MGA: variants seen among roughly 807,000 people sequenced by gnomAD.
MGA encodes MAX gene-associated protein.
In MGA, 40 loss-of-function variants were observed where a neutral mutation model predicts 261.1. That is an observed-to-expected ratio of 0.15 (90% CI 0.12 to 0.20). MGA has a LOEUF of 0.20. MGA is among the 10% of genes least tolerant of loss of function. The pLI is 1.00. For missense variants in MGA, 3,397 were observed against 3,630.5 expected (o/e 0.94, Z 1.65); for synonymous variants, 1,302 against 1,290.6 (o/e 1.01, Z -0.19).
intron 5 of MGA, among the ~76,000 whole-genome samples, chr15:41,699,789 G>A (rs1020401869): frequency 1.3e-5 from 2 of 152,128 alleles, no homozygotes; most frequent in African/African-American, 4.8e-5. Context: ...TAATTTTGGA[G>A]GAAGGGTCTT....
At chr15:41,735,690 C>T (rs983746280) in intron 12 of MGA, among the ~76,000 whole-genome samples, 3 of 151,714 alleles carry the variant, frequency 2.0e-5, no homozygotes, top group Admixed American at 1.3e-4. Flanking sequence ...TGAGCTATCA[C>T]GCCTCTGCAC....
intron 15 of MGA, among the ~76,000 whole-genome samples, chr15:41,748,269 T>C (rs936682381): frequency 2.0e-5 from 3 of 149,878 alleles, no homozygotes; most frequent in Admixed American, 6.6e-5. Flanking sequence ...AAAAAAAATA[T>C]AGACTGGGCG....
intron 14 of MGA, among the ~76,000 whole-genome samples, chr15:41,740,472 A>G (rs1857382753): frequency 1.3e-5 from 2 of 152,058 alleles, no homozygotes; most frequent in Admixed American, 6.5e-5. Context: ...GGCAAGTTTT[A>G]TAGTTATTTT....
intron 13 of MGA, among the ~76,000 whole-genome samples, 151 bp downstream of exon 13, chr15:41,736,849 C>A (rs1475722786): frequency 6.6e-6 from 1 of 152,042 alleles, no homozygotes; most frequent in Non-Finnish European, 1.5e-5. Context: ...TGTAATAGGC[C>A]TAGTTTAGAT....
Position 41,727,372 on chromosome 15 carries a change from C to G in MGA, c.3623C>G (p.Ser1208Cys), listed in dbSNP as rs771752177. 1.9e-6 allele frequency: 3 copies of G among 1,613,818 alleles called. No individual in the cohort carries two copies. The highest frequency in any genetic ancestry group is 2.7e-5 in the African/African-American group (2 of 74,908). Residue 1208 changes from serine to cysteine, a missense_variant, in exon 10 of 24, where the codon TCT becomes TGT. Coordinates refer to ENST00000219905, the MANE Select transcript of MGA (RefSeq NM_001164273.2). ...GGCAAACTGCTCACTGGAATTAAAT[C>G]TCCACGGTCATATACTCCCAAACCC...
Position 41,734,524 on chromosome 15 carries a change from A to T in MGA, c.3846A>T (p.Glu1282Asp). The change falls in exon 12 of 24, where the codon GAA becomes GAT. Residue 1282 changes from glutamate (E) to aspartate (D), a missense_variant and splice_region_variant. Coordinates refer to ENST00000219905, the MANE Select transcript of MGA (RefSeq NM_001164273.2). ...TTCTGTGTTACTGTCTCCTTCAGGA[A>T]CCTGATTCTGAACAGCAGCCCTTAA... 1 of 1,606,906 alleles carries T rather than the reference A, an allele frequency of 6.2e-7. No homozygotes were observed. The highest frequency in any genetic ancestry group is 1.1e-5 in the South Asian group (1 of 89,750).
At chr15:41,625,068 A>C (rs2056413814) in intron 1 of MGA, among the ~76,000 whole-genome samples, 1 of 152,092 alleles carries the variant, frequency 6.6e-6, no homozygotes. Context: ...ACTTGACCTC[A>C]GGAGTTCGAG....
At chr15:41,731,186 A>G (rs934130027) in intron 11 of MGA, among the ~76,000 whole-genome samples, 1 of 152,196 alleles carries the variant, frequency 6.6e-6, no homozygotes, top group Non-Finnish European at 1.5e-5. Context: ...TAGAACCTAT[A>G]AACAGTATTT....
chr15:41,749,011 C>T, intron 16 of MGA, 84 bp downstream of exon 16: 1 of 1,545,996 alleles, frequency 6.5e-7, no homozygotes, highest in Non-Finnish European at 8.7e-7. Context: ...TGTTTTTCTT[C>T]ATCTCTTAAG....
At chr15:41,654,291 GA>G (rs1370429920) in intron 1 of MGA, among the ~76,000 whole-genome samples, 1 of 152,040 alleles carries the variant, frequency 6.6e-6, no homozygotes, top group Non-Finnish European at 1.5e-5. Context: ...ACAATGTAGT[GA>G]ATTTTTCATC....
intron 9 of MGA, chr15:41,718,299 G>GTATA (rs556672274): frequency 6.9e-5 from 15 of 215,864 alleles, no homozygotes; most frequent in South Asian, 5.5e-4. Flanking sequence ...GTGTGTGTGT[G>GTATA]TGTATATATA....
At position 41,767,757 on chromosome 15, in the gene MGA, A is replaced by C. The variant is rs1165802720; in HGVS notation, c.*477A>C. 6.3e-6 allele frequency: 1 copy of C among 158,786 alleles called. No individual in the cohort carries two copies. Among genetic ancestry groups the C allele is most frequent in the Non-Finnish European group, 1.4e-5 (1 of 71,572 alleles). 9.8% of individuals were successfully genotyped at this position (158,786 alleles called of 1,614,324 possible). On this transcript the variant is annotated 3_prime_UTR_variant, in exon 24 of 24. Transcript: ENST00000219905. ...AGAGACACTTTTTAGTTGATGTTTC[A>C]AGAATAGGGAGAGAGAGGATGGGTA...
In MGA at chr15:41,736,261, A is replaced by G; in HGVS notation, c.3997A>G (p.Thr1333Ala). The G allele has an allele frequency of 6.2e-7, 1 of 1,614,016 alleles. No homozygotes were observed. Among genetic ancestry groups the G allele is most frequent in the South Asian group, 1.1e-5 (1 of 91,086 alleles). ...GCATCAGAGGTCACCTGGTGGTCCC[A>G]CCAAACTGATTGAGATCATCTCAGA... Residue 1333 changes from threonine to alanine, a missense_variant, in exon 13 of 24, where the codon ACC becomes GCC. Around this residue, in one of 9 missense-constraint regions of MGA, gnomAD observed 1,410 missense variants for 1,386.4 expected, o/e 1.02. Coordinates refer to ENST00000219905, the MANE Select transcript of MGA (RefSeq NM_001164273.2).
At chr15:41,758,501 C>T (rs1034581450) in intron 19 of MGA, among the ~76,000 whole-genome samples, 5 of 151,984 alleles carry the variant, frequency 3.3e-5, no homozygotes, top group African/African-American at 9.7e-5. Context: ...TATGATACAG[C>T]GTATTTGCAT....
intron 18 of MGA, among the ~76,000 whole-genome samples, chr15:41,755,689 G>A (rs1213667647): frequency 6.6e-6 from 1 of 152,180 alleles, no homozygotes; most frequent in East Asian, 1.9e-4. Flanking sequence ...CCAACACACA[G>A]CACAAACACT....
chr15:41,723,522 C>T (rs2061066427), intron 9 of MGA, among the ~76,000 whole-genome samples: 2 of 152,114 alleles, frequency 1.3e-5, no homozygotes, highest in African/African-American at 4.8e-5. Context: ...CTCAAGCGGT[C>T]CTTCCGTCTT....
At chr15:41,679,728 G>A (rs1363395670) in intron 2 of MGA, among the ~76,000 whole-genome samples, 1 of 151,960 alleles carries the variant, frequency 6.6e-6, no homozygotes, top group Non-Finnish European at 1.5e-5. Context: ...TGTGTTGTGG[G>A]GGGGACTGAG....
chr15:41,621,815 T>A (rs2056296312), intron 1 of MGA, among the ~76,000 whole-genome samples: 1 of 152,102 alleles, frequency 6.6e-6, no homozygotes, highest in Non-Finnish European at 1.5e-5. Flanking sequence ...ACGTGTTCAC[T>A]GAGGTTCGAC....
intron 11 of MGA, among the ~76,000 whole-genome samples, chr15:41,729,844 T>G (rs2061418910): frequency 6.6e-6 from 1 of 151,898 alleles, no homozygotes; most frequent in African/African-American, 2.4e-5. Flanking sequence ...CAAAAAAATA[T>G]GTATATTATT....
Sources: allele counts gnomAD v4.1 joint callset (sites outside exome capture counted in the v4.1 genomes callset), GRCh38; gene constraint gnomAD v4.1.1; regional missense constraint gnomAD v4.1.1; transcripts MANE v1.5; gene names NCBI Gene and HGNC (gene_info 2026-07-23, HGNC 2026-07-21).